GALNTL6: variants seen among roughly 807,000 people sequenced by gnomAD.
GALNTL6 encodes the protein polypeptide N-acetylgalactosaminyltransferase like 6, also known as polypeptide N-acetylgalactosaminyltransferase-like 6.
GALNTL6 carries 46 observed loss-of-function variants against 73.7 expected under a neutral mutation model. The ratio of observed to expected loss-of-function variants is 0.62; its 90% confidence interval spans 0.49 to 0.80. The LOEUF is 0.80. Among genes scored for constraint, GALNTL6 ranks in the 30% least tolerant of loss-of-function variants. The pLI, the probability that GALNTL6 is intolerant of heterozygous loss-of-function variation, is 0.00. For synonymous variants in GALNTL6, 259 were observed against 263.7 expected (o/e 0.98, Z 0.17); for missense variants, 604 against 755.0 (o/e 0.80, Z 2.34).
At chr4:172,328,395 G>A (rs979238287) in intron 4 of GALNTL6, among the ~76,000 whole-genome samples, 2 of 152,074 alleles carry the variant, frequency 1.3e-5, no homozygotes, top group African/African-American at 4.8e-5. Flanking sequence ...GTAGAATCTT[G>A]TAGGGCTTCT....
intron 5 of GALNTL6, among the ~76,000 whole-genome samples, chr4:172,433,101 T>A (rs943413224): frequency 5.3e-5 from 8 of 152,162 alleles, no homozygotes; most frequent in Non-Finnish European, 1.0e-4. Flanking sequence ...TGAGTTATGA[T>A]GTGTGTGTTT....
intron 9 of GALNTL6, among the ~76,000 whole-genome samples, chr4:172,942,832 G>A (rs1340577961): frequency 6.6e-6 from 1 of 152,096 alleles, no homozygotes; most frequent in Non-Finnish European, 1.5e-5. Flanking sequence ...ACTTCTCTGG[G>A]TCCTGAGTAG....
Position 172,901,679 on chromosome 4 carries a change from A to C in GALNTL6, c.1041+18772A>C, listed in dbSNP as rs532370871. Among the ~76,000 whole-genome samples the C allele has an allele frequency of 4.7e-4, 71 of 152,336 alleles. No individual in the cohort carries two copies. In the South Asian group the frequency reaches 0.014, roughly 30 times the overall value. On this transcript the variant is annotated intron_variant, in intron 8 of 12. Coordinates refer to ENST00000506823, the MANE Select transcript of GALNTL6 (RefSeq NM_001034845.3). ...AAAACTTCATGGCCGAACGAAAAAA[A>C]TTCCAGAAAATTGCTTTATCTGAAG...
At position 172,309,602 on chromosome 4, in the gene GALNTL6, A is replaced by G. The variant is rs185069015; in HGVS notation, c.248-2012A>G. ...CAGCAATTGTATTAAAGTCAATACC[A>G]GAGTAAATGCCTGTTAATAATTATT... On this transcript the variant is annotated intron_variant, in intron 3 of 12. Coordinates refer to ENST00000506823, the MANE Select transcript of GALNTL6 (RefSeq NM_001034845.3). Among the ~76,000 whole-genome samples the G allele has an allele frequency of 1.3e-4, 20 of 152,212 alleles. No homozygotes were observed. In the East Asian group the frequency reaches 3.9e-3, roughly 29 times the overall value.
intron 2 of GALNTL6, among the ~76,000 whole-genome samples, chr4:172,115,219 T>A (rs1732954383): frequency 6.6e-6 from 1 of 152,120 alleles, no homozygotes; most frequent in African/African-American, 2.4e-5. Context: ...GTCCAGTATT[T>A]TCCCCCATCA....
intron 10 of GALNTL6, among the ~76,000 whole-genome samples, chr4:173,008,622 G>C (rs1752400595): frequency 6.6e-6 from 1 of 152,214 alleles, no homozygotes; most frequent in Admixed American, 6.5e-5. Context: ...TTGGGGCTAG[G>C]ATTTTTAAGG....
chr4:172,676,616 G>T (rs1579323366), intron 5 of GALNTL6, among the ~76,000 whole-genome samples: 1 of 152,094 alleles, frequency 6.6e-6, no homozygotes, highest in East Asian at 1.9e-4. Context: ...TAAAAGTAGG[G>T]GTTAGACATA....
intron 2 of GALNTL6, among the ~76,000 whole-genome samples, chr4:172,102,498 A>G (rs747686407): frequency 4.6e-5 from 7 of 152,162 alleles, no homozygotes; most frequent in Non-Finnish European, 1.0e-4. Context: ...GGATGATGTC[A>G]GGTGTTTTAC....
At chr4:172,219,199 G>GTATA (rs34783084) in intron 2 of GALNTL6, among the ~76,000 whole-genome samples, 1,580 of 116,176 alleles carry the variant, frequency 0.014, 68 homozygotes, top group African/African-American at 0.045. Flanking sequence ...TTAAGCAAGT[G>GTATA]TATATATATA....
chr4:172,189,854 AG>A (rs1210866802), intron 2 of GALNTL6, among the ~76,000 whole-genome samples: 1 of 152,160 alleles, frequency 6.6e-6, no homozygotes, highest in African/African-American at 2.4e-5. Flanking sequence ...AATACCTCTT[AG>A]ATGTACTAAC....
At chr4:173,019,076 CA>C (rs1020130052) in intron 11 of GALNTL6, among the ~76,000 whole-genome samples, 9 of 151,970 alleles carry the variant, frequency 5.9e-5, no homozygotes, top group African/African-American at 1.9e-4. Context: ...GTTTATAAAA[CA>C]AAAATGGTAA....
At chr4:171,909,895 T>A (rs181441074) in intron 2 of GALNTL6, among the ~76,000 whole-genome samples, 47 of 152,156 alleles carry the variant, frequency 3.1e-4, no homozygotes, top group Non-Finnish European at 5.6e-4. Context: ...AGTCAAAGCA[T>A]CAAAGACAAA....
At chr4:172,106,358 C>T (rs1732674844) in intron 2 of GALNTL6, among the ~76,000 whole-genome samples, 1 of 152,034 alleles carries the variant, frequency 6.6e-6, no homozygotes, top group Non-Finnish European at 1.5e-5. Flanking sequence ...CCTGTAAAAT[C>T]CTGTTAAGTA....
intron 5 of GALNTL6, among the ~76,000 whole-genome samples, chr4:172,488,840 G>C (rs750733818): frequency 5.1e-5 from 7 of 136,210 alleles, no homozygotes; most frequent in South Asian, 2.8e-4. Flanking sequence ...GTCCTGGGGT[G>C]GGGGTGGGGG....
At chr4:172,280,975 G>A (rs1053780340) in intron 3 of GALNTL6, among the ~76,000 whole-genome samples, 33 of 150,590 alleles carry the variant, frequency 2.2e-4, no homozygotes, top group East Asian at 2.0e-4. Flanking sequence ...CCTGGCTAAC[G>A]TGGTGAAACC....
chr4:172,825,055 T>C (rs1235164321), intron 7 of GALNTL6, among the ~76,000 whole-genome samples: 1 of 70,764 alleles, frequency 1.4e-5, no homozygotes, highest in African/African-American at 4.1e-5. Context: ...AATTCTTTTT[T>C]CTTTTTTTTT....
chr4:172,583,057 CA>C (rs1737255206), intron 5 of GALNTL6, among the ~76,000 whole-genome samples: 1 of 151,954 alleles, frequency 6.6e-6, no homozygotes, highest in African/African-American at 2.4e-5. Flanking sequence ...CTGGGAAAAA[CA>C]TATCACTGGG....
intron 2 of GALNTL6, among the ~76,000 whole-genome samples, chr4:171,960,334 T>A (rs968278729): frequency 6.6e-6 from 1 of 152,126 alleles, no homozygotes; most frequent in African/African-American, 2.4e-5. Context: ...TAGAGTGCAA[T>A]GGCATGATCT....
At chr4:172,934,446 A>G (rs928967043) in intron 9 of GALNTL6, among the ~76,000 whole-genome samples, 11 of 152,242 alleles carry the variant, frequency 7.2e-5, no homozygotes, top group African/African-American at 2.2e-4. Flanking sequence ...ATAGAATGCA[A>G]GACAGTAAAT....
Sources: gnomAD v4.1 joint callset for allele counts (sites outside exome capture counted in the v4.1 genomes callset) on GRCh38, gnomAD v4.1.1 for gene constraint, MANE v1.5 for transcripts, NCBI Gene and HGNC (gene_info 2026-07-23, HGNC 2026-07-21) for gene names.